Variants in WDHD1 observed in about 807,000 individuals in gnomAD.
WDHD1 encodes WD repeat and HMG-box DNA binding protein 1.
Under a neutral mutation model 135.4 loss-of-function variants are expected in WDHD1, and 111 were observed. That is an observed-to-expected ratio of 0.82 (90% CI 0.70 to 0.96). The LOEUF is 0.96. WDHD1 is among the 40% of genes least tolerant of loss of function. The pLI is 0.00. For synonymous variants in WDHD1, 434 were observed against 439.0 expected, an observed-to-expected ratio of 0.99 and a Z score of 0.14; for missense variants, 1,351 against 1,336.3, an observed-to-expected ratio of 1.01 and a Z score of -0.17.
Position 54,984,850 on chromosome 14 carries a change from A to C in WDHD1, c.1779T>G (p.Phe593Leu). The change falls in exon 15 of 26, where the codon TTT becomes TTG. Residue 593 changes from phenylalanine to leucine, a missense_variant. Transcript: ENST00000360586. Reference sequence around the variant, plus strand: ...GAACTCCAAGGCACTGATCCCCATCAAATCCTGTACCTAATGAGAAAATGT... The same window carrying C: ...GAACTCCAAGGCACTGATCCCCATCCAATCCTGTACCTAATGAGAAAATGT... ...LFIVYHRGTGFDGDQCLGVQL... is the reference protein window; with the variant it reads ...LFIVYHRGTGLDGDQCLGVQL... The C allele has an allele frequency of 6.2e-7, 1 of 1,612,074 alleles. No individual in the cohort carries two copies. The highest frequency in any genetic ancestry group is 1.1e-5 in the South Asian group (1 of 90,584).
chr14:54,959,808 CA>C (rs2041221135), intron 21 of WDHD1, among the ~76,000 whole-genome samples: 1 of 151,754 alleles, frequency 6.6e-6, no homozygotes, highest in South Asian at 2.1e-4. Context: ...ACAAAAAAAA[CA>C]AACAAAAAAA....
chr14:55,007,944 A>G (rs1429776920), intron 6 of WDHD1, among the ~76,000 whole-genome samples: 1 of 152,166 alleles, frequency 6.6e-6, no homozygotes, highest in Admixed American at 6.5e-5. Flanking sequence ...ATTTGAATAA[A>G]CTGTATATGT....
chr14:54,974,491 TTG>T (rs200177435), intron 16 of WDHD1, among the ~76,000 whole-genome samples: 53 of 127,030 alleles, frequency 4.2e-4, no homozygotes, highest in African/African-American at 1.1e-3. Context: ...CTGTTTTGTT[TTG>T]TTTTTTTTTT....
chr14:54,971,386 G>C (rs892109452), intron 16 of WDHD1, among the ~76,000 whole-genome samples: 3 of 152,068 alleles, frequency 2.0e-5, no homozygotes, highest in Non-Finnish European at 4.4e-5. Flanking sequence ...AGACCAGCCT[G>C]GGCAACAAAG....
chr14:54,941,835 A>C, intron 25 of WDHD1, 145 bp from the exon 26 acceptor site: 1 of 678,120 alleles, frequency 1.5e-6, no homozygotes, highest in African/African-American at 1.8e-5. Context: ...ATTGTTAACA[A>C]ATCTTTTATT....
At chr14:54,987,019 A>G in intron 14 of WDHD1, 127 bp downstream of exon 14, 1 of 1,109,058 alleles carries the variant, frequency 9.0e-7, no homozygotes, top group African/African-American at 1.6e-5. Context: ...AAAATTATCT[A>G]CATTTAAAGA....
At chr14:54,969,311 C>A (rs999044029) in intron 16 of WDHD1, among the ~76,000 whole-genome samples, 13 of 149,252 alleles carry the variant, frequency 8.7e-5, no homozygotes, top group Non-Finnish European at 1.8e-4. Context: ...CAGGCGTGAG[C>A]CACCGCGCCC....
chr14:54,980,971 C>T (rs922272568), intron 16 of WDHD1, among the ~76,000 whole-genome samples: 3 of 151,488 alleles, frequency 2.0e-5, no homozygotes, highest in African/African-American at 2.4e-5. Context: ...ATCAGCCAGG[C>T]GTGATGGTGC....
chr14:55,023,460 A>G (rs2042381948), intron 2 of WDHD1, among the ~76,000 whole-genome samples: 1 of 152,246 alleles, frequency 6.6e-6, no homozygotes, highest in African/African-American at 2.4e-5. Context: ...CCGCAACTGC[A>G]GACCTCAATC....
intron 7 of WDHD1, among the ~76,000 whole-genome samples, chr14:55,007,025 G>C (rs1045360299): frequency 8.6e-5 from 13 of 151,778 alleles, no homozygotes; most frequent in Admixed American, 1.3e-4. Flanking sequence ...TCAGGAGTTC[G>C]AGACCAGCCT....
At chr14:54,953,187 C>G (rs1250989039) in intron 24 of WDHD1, among the ~76,000 whole-genome samples, 2 of 152,140 alleles carry the variant, frequency 1.3e-5, no homozygotes, top group Non-Finnish European at 2.9e-5. Context: ...AGTGAACAGG[C>G]AACCTACAGA....
At chr14:54,943,577 T>C (rs1032176395) in intron 25 of WDHD1, among the ~76,000 whole-genome samples, 3 of 152,094 alleles carry the variant, frequency 2.0e-5, no homozygotes, top group African/African-American at 7.2e-5. Flanking sequence ...TTTTAAATTT[T>C]TGTAGAGATG....
chr14:55,003,609 G>T (rs1001738448), intron 7 of WDHD1, among the ~76,000 whole-genome samples: 9 of 128,674 alleles, frequency 7.0e-5, no homozygotes, highest in Non-Finnish European at 1.2e-4. Context: ...AGTTGCCCAG[G>T]CTGGAGAGAA....
At chr14:54,978,543 C>T (rs1010941224) in intron 16 of WDHD1, among the ~76,000 whole-genome samples, 2 of 151,676 alleles carry the variant, frequency 1.3e-5, no homozygotes, top group African/African-American at 4.9e-5. Flanking sequence ...TATGACTGCA[C>T]TACTGCACTC....
Position 54,966,565 on chromosome 14 carries a change from A to G in WDHD1, c.2220T>C (p.Asp740=), listed in dbSNP as rs141626115. The G allele has an allele frequency of 1.1e-4, 173 of 1,608,062 alleles. No homozygotes were observed. The African/African-American group carries it at 1.9e-3, about 17-fold the overall frequency. ...ATTCATAACCATTTTTAGCTAAATA[A>G]TCAAGGTGGTTGTGAAATATAACTG... ...WRSVIFHNHL[D]YLAKNGYEYE... is the part of the protein sequence containing the mutation. The change falls in exon 18 of 26, where the codon GAT becomes GAC. Residue 740 remains aspartate (D), a synonymous_variant. Coordinates refer to ENST00000360586, the MANE Select transcript of WDHD1 (RefSeq NM_007086.4).
At chr14:54,959,812 C>CA (rs1407027663) in intron 21 of WDHD1, among the ~76,000 whole-genome samples, 3 of 151,788 alleles carry the variant, frequency 2.0e-5, no homozygotes, top group Admixed American at 6.6e-5. Context: ...AAAAAACAAA[C>CA]AAAAAAACCT....
rs561298329 is a variant in WDHD1, at chr14:55,000,985, T to C, written c.701A>G (p.Asn234Ser). ...LSDNFISQTL[N>S]IVTWSPCGQY... ...CCCACAGGGAGACCAGGTTACTATA[T>C]TGAGGGTCTGTAAAGAAAAACAGTT... is the stretch of plus-strand genomic sequence containing the variant. Residue 234 changes from asparagine (N) to serine (S), a missense_variant, in exon 9 of 26, where the codon AAT becomes AGT. Physicochemically the swap from Asn to Ser is conservative, Grantham distance 46. Transcript: ENST00000360586. 5.1e-4 allele frequency: 794 copies of C among 1,553,228 alleles called. 8 individuals carry two copies. In the South Asian group the frequency reaches 9.2e-3, roughly 18 times the overall value.
At chr14:54,969,358 A>G (rs76243320) in intron 16 of WDHD1, among the ~76,000 whole-genome samples, 1,760 of 151,210 alleles carry the variant, frequency 0.012, 39 homozygotes, top group African/African-American at 0.04. Context: ...AAAAAAAAAA[A>G]AGAGAGAGAG....
intron 2 of WDHD1, among the ~76,000 whole-genome samples, chr14:55,015,378 T>C (rs1236416932): frequency 6.6e-5 from 1 of 15,134 alleles, no homozygotes; most frequent in Non-Finnish European, 1.5e-4. Flanking sequence ...TGACACTGTC[T>C]CAAAAAAAAA....
Sources: allele counts gnomAD v4.1 joint callset (sites outside exome capture counted in the v4.1 genomes callset), GRCh38; gene constraint gnomAD v4.1.1; transcripts MANE v1.5; gene names NCBI Gene and HGNC (gene_info 2026-07-23, HGNC 2026-07-21).